Variants in CDH13 observed in about 807,000 individuals in gnomAD.
CDH13 encodes the protein cadherin-13.
Under a neutral mutation model 63.8 loss-of-function variants are expected in CDH13, and 24 were observed. The observed-to-expected ratio is 0.38, with a 90% CI of 0.27 to 0.53. The LOEUF (loss-of-function observed/expected upper bound fraction) is 0.53, where lower values mean the gene tolerates loss of function less well. Among genes scored for constraint, CDH13 ranks in the 20% least tolerant of loss-of-function variants. The pLI is 0.85. For synonymous variants in CDH13, 503 were observed against 355.3 expected (o/e 1.42, Z -4.67); for missense variants, 1,049 against 903.1 (o/e 1.16, Z -2.07).
intron 6 of CDH13, among the ~76,000 whole-genome samples, chr16:83,456,839 G>T (rs1462648151): frequency 6.6e-6 from 1 of 152,172 alleles, no homozygotes; most frequent in Non-Finnish European, 1.5e-5. Context: ...GCACACACCT[G>T]TAATCCCAGC....
chr16:82,877,111 C>G (rs929796446), intron 2 of CDH13, among the ~76,000 whole-genome samples: 1 of 152,144 alleles, frequency 6.6e-6, no homozygotes, highest in Non-Finnish European at 1.5e-5. Context: ...AGATGGAAGT[C>G]AGAATAGATA....
intron 3 of CDH13, among the ~76,000 whole-genome samples, chr16:83,117,907 CAG>C (rs747701138): frequency 5.9e-5 from 9 of 152,222 alleles, no homozygotes; most frequent in Non-Finnish European, 1.2e-4. Context: ...GATTGGGAAA[CAG>C]GGAGGAAAGC....
intron 1 of CDH13, among the ~76,000 whole-genome samples, chr16:82,699,142 C>A (rs956671820): frequency 6.6e-6 from 1 of 152,086 alleles, no homozygotes; most frequent in African/African-American, 2.4e-5. Context: ...TCATAGAAGC[C>A]TGATTGTTGA....
At chr16:83,029,182 T>C (rs1052172807) in intron 2 of CDH13, among the ~76,000 whole-genome samples, 3 of 152,228 alleles carry the variant, frequency 2.0e-5, no homozygotes, top group Non-Finnish European at 2.9e-5. Context: ...AATATGATTA[T>C]TATCACCCTA....
At chr16:82,749,865 G>T (rs1023576088) in intron 1 of CDH13, among the ~76,000 whole-genome samples, 1 of 151,892 alleles carries the variant, frequency 6.6e-6, no homozygotes, top group African/African-American at 2.4e-5. Context: ...CCTATTGGAG[G>T]TGTCAGTGAT....
chr16:82,808,146 T>A (rs1401982400), intron 1 of CDH13, among the ~76,000 whole-genome samples: 1 of 152,134 alleles, frequency 6.6e-6, no homozygotes, highest in Non-Finnish European at 1.5e-5. Context: ...CTGCATATGT[T>A]TCCTTGTTTG....
chr16:83,659,367 A>G (rs1313598595), intron 8 of CDH13, among the ~76,000 whole-genome samples: 1 of 147,932 alleles, frequency 6.8e-6, no homozygotes, highest in East Asian at 2.0e-4. Context: ...GCAAGGTCCC[A>G]TGTCCTCACC....
intron 1 of CDH13, among the ~76,000 whole-genome samples, chr16:82,685,745 A>T (rs1011765971): frequency 1.2e-4 from 19 of 152,154 alleles, no homozygotes; most frequent in Admixed American, 1.2e-3. Context: ...GTTGGCTTTT[A>T]TCTCTTCCTA....
chr16:83,448,588 C>T lies in CDH13; in HGVS notation c.782-37889C>T, dbSNP rs79480013. Reference sequence around the variant, plus strand: ...GGTTTAACATGAGAAGAGTGACTGGCCCTGTAAGCTTCAGCAGATACTAAC... The same window carrying T: ...GGTTTAACATGAGAAGAGTGACTGGTCCTGTAAGCTTCAGCAGATACTAAC... On this transcript the variant is annotated intron_variant, in intron 6 of 13. Coordinates refer to ENST00000567109, the MANE Select transcript of CDH13 (RefSeq NM_001257.5). 2.6e-3 allele frequency among the ~76,000 whole-genome samples: 403 copies of T among 152,222 alleles called. 1 individual carries two copies. The highest frequency in any genetic ancestry group is 9.5e-3 in the African/African-American group (395 of 41,542).
At chr16:82,697,491 G>T (rs551226820) in intron 1 of CDH13, among the ~76,000 whole-genome samples, 4 of 139,910 alleles carry the variant, frequency 2.9e-5, no homozygotes, top group African/African-American at 1.1e-4. Context: ...GTGCAGTGGC[G>T]TGATCTCGAC....
intron 3 of CDH13, among the ~76,000 whole-genome samples, chr16:83,070,910 A>G (rs1189609974): frequency 7.2e-6 from 1 of 138,634 alleles, no homozygotes; most frequent in East Asian, 2.5e-4. Flanking sequence ...TTTATTGCTC[A>G]TGATATACAA....
chr16:83,048,530 G>A (rs1049564714), intron 3 of CDH13, among the ~76,000 whole-genome samples: 2 of 152,094 alleles, frequency 1.3e-5, no homozygotes, highest in Non-Finnish European at 2.9e-5. Flanking sequence ...TTTACCTAAA[G>A]CAGTAAGTTG....
At chr16:83,224,147 G>C (rs1175979682) in intron 5 of CDH13, among the ~76,000 whole-genome samples, 1 of 152,144 alleles carries the variant, frequency 6.6e-6, no homozygotes, top group Non-Finnish European at 1.5e-5. Flanking sequence ...ATCCCATCCA[G>C]GTTGTTGCAA....
At chr16:83,342,720 G>A (rs890387378) in intron 5 of CDH13, among the ~76,000 whole-genome samples, 2 of 151,910 alleles carry the variant, frequency 1.3e-5, no homozygotes, top group Non-Finnish European at 1.5e-5. Flanking sequence ...TTTGGCAAAT[G>A]TGAATTCTGA....
At chr16:83,148,761 A>G (rs993414488) in intron 4 of CDH13, among the ~76,000 whole-genome samples, 1 of 152,196 alleles carries the variant, frequency 6.6e-6, no homozygotes, top group African/African-American at 2.4e-5. Context: ...TTGAAGATGC[A>G]GAGACAGATT....
intron 3 of CDH13, among the ~76,000 whole-genome samples, chr16:83,068,200 A>T (rs550500259): frequency 6.6e-6 from 1 of 152,236 alleles, no homozygotes; most frequent in South Asian, 2.1e-4. Context: ...TCATATTTCT[A>T]TACATTTTCT....
chr16:83,163,032 G>T (rs767550289), intron 4 of CDH13, among the ~76,000 whole-genome samples: 4 of 152,024 alleles, frequency 2.6e-5, no homozygotes, highest in Non-Finnish European at 5.9e-5. Flanking sequence ...AATCATTGAG[G>T]CAGGTCTTTC....
intron 11 of CDH13, among the ~76,000 whole-genome samples, chr16:83,772,179 A>G (rs183243352): frequency 4.5e-4 from 69 of 152,344 alleles, no homozygotes; most frequent in African/African-American, 1.6e-3. Flanking sequence ...ATAAGACTGA[A>G]AGACATGCTT....
intron 1 of CDH13, among the ~76,000 whole-genome samples, chr16:82,662,436 T>G (rs2150927458): frequency 6.6e-6 from 1 of 152,358 alleles, no homozygotes; most frequent in East Asian, 1.9e-4. Flanking sequence ...TGATGAAAAC[T>G]GATGAAAATG....
Sources: gnomAD v4.1 joint callset for allele counts (sites outside exome capture counted in the v4.1 genomes callset) on GRCh38, gnomAD v4.1.1 for gene constraint, MANE v1.5 for transcripts, NCBI Gene and HGNC (gene_info 2026-07-23, HGNC 2026-07-21) for gene names.